CTNNA2: variants seen among roughly 807,000 people sequenced by gnomAD.
CTNNA2 encodes the protein catenin alpha-2.
A neutral mutation model predicts 101.0 loss-of-function variants in CTNNA2; 42 were observed. That is an observed-to-expected ratio of 0.42 (90% confidence interval 0.32 to 0.54). The LOEUF is 0.54. Ranked by LOEUF, CTNNA2 falls within the 20% of genes least tolerant of loss-of-function variation. The pLI is 0.14. For missense variants in CTNNA2, 871 were observed against 1,223.1 expected, an observed-to-expected ratio of 0.71 and a Z score of 4.29; for synonymous variants, 450 against 456.4, an observed-to-expected ratio of 0.99 and a Z score of 0.18.
intron 9 of CTNNA2, among the ~76,000 whole-genome samples, chr2:80,458,322 G>C (rs1282145698): frequency 2.6e-5 from 4 of 152,146 alleles, no homozygotes; most frequent in Non-Finnish European, 4.4e-5. Context: ...GTATTAATCA[G>C]ATGTGGACTA....
chr2:79,606,019 TA>T (rs1408599247), intron 1 of CTNNA2, among the ~76,000 whole-genome samples: 1 of 152,146 alleles, frequency 6.6e-6, no homozygotes, highest in East Asian at 1.9e-4. Flanking sequence ...TAAACTTTTA[TA>T]CTCAGCAAAA....
chr2:79,391,701 A>G (rs1225508948), intron 4 of CTNNA2, among the ~76,000 whole-genome samples: 2 of 152,196 alleles, frequency 1.3e-5, no homozygotes, highest in Non-Finnish European at 2.9e-5. Flanking sequence ...AACTTGCCCA[A>G]CATTGTACAG....
intron 12 of CTNNA2, among the ~76,000 whole-genome samples, chr2:80,568,680 G>A (rs1271098957): frequency 6.6e-6 from 1 of 151,772 alleles, no homozygotes; most frequent in Non-Finnish European, 1.5e-5. Flanking sequence ...CTTCACAATG[G>A]CAATTAGTTC....
At chr2:79,569,225 C>T (rs1391299139) in intron 1 of CTNNA2, among the ~76,000 whole-genome samples, 1 of 152,114 alleles carries the variant, frequency 6.6e-6, no homozygotes, top group Non-Finnish European at 1.5e-5. Context: ...CAGGTGAATG[C>T]ACAGTGAATG....
chr2:79,992,189 GC>G (rs1169189937), intron 7 of CTNNA2, among the ~76,000 whole-genome samples: 1 of 151,946 alleles, frequency 6.6e-6, no homozygotes, highest in Non-Finnish European at 1.5e-5. Context: ...GCCATTTTGT[GC>G]CTCAAATTAG....
chr2:80,498,191 C>G (rs1687616231), intron 9 of CTNNA2, among the ~76,000 whole-genome samples: 1 of 152,176 alleles, frequency 6.6e-6, no homozygotes, highest in African/African-American at 2.4e-5. Flanking sequence ...TCAAGTAACT[C>G]ACAAAAGACT....
intron 7 of CTNNA2, among the ~76,000 whole-genome samples, chr2:80,321,088 T>C (rs1220499999): frequency 6.6e-6 from 1 of 152,232 alleles, no homozygotes; most frequent in Admixed American, 6.5e-5. Flanking sequence ...TATTTGGATA[T>C]AACTTTTTTG....
At chr2:79,215,330 G>A (rs1484973182) in intron 2 of CTNNA2, among the ~76,000 whole-genome samples, 2 of 152,184 alleles carry the variant, frequency 1.3e-5, no homozygotes, top group Non-Finnish European at 2.9e-5. Context: ...CTGCGGTTCA[G>A]GCGTTTGGAA....
chr2:80,450,286 C>A (rs1210750130), intron 9 of CTNNA2, among the ~76,000 whole-genome samples: 2 of 152,032 alleles, frequency 1.3e-5, no homozygotes, highest in Non-Finnish European at 2.9e-5. Flanking sequence ...ATGCAAATTT[C>A]CTTGTTGTAA....
intron 7 of CTNNA2, among the ~76,000 whole-genome samples, chr2:80,190,893 C>T: frequency 6.6e-6 from 1 of 152,164 alleles, no homozygotes; most frequent in East Asian, 1.9e-4. Flanking sequence ...TCAGTCGTTG[C>T]TGTTGATTAT....
chr2:79,380,870 C>A (rs1678030511), intron 4 of CTNNA2, among the ~76,000 whole-genome samples: 1 of 152,122 alleles, frequency 6.6e-6, no homozygotes, highest in African/African-American at 2.4e-5. Context: ...GTCCAGTATG[C>A]CTGAACTGTA....
At chr2:80,499,690 G>A (rs1687728197) in intron 9 of CTNNA2, among the ~76,000 whole-genome samples, 1 of 152,038 alleles carries the variant, frequency 6.6e-6, no homozygotes, top group Non-Finnish European at 1.5e-5. Flanking sequence ...GCGTGGTGGT[G>A]AGTACATGTA....
intron 1 of CTNNA2, among the ~76,000 whole-genome samples, chr2:79,587,268 C>T (rs1416198410): frequency 6.6e-6 from 1 of 151,840 alleles, no homozygotes. Context: ...GTGATTGTAC[C>T]ATATTTGAAT....
intron 7 of CTNNA2, among the ~76,000 whole-genome samples, chr2:80,043,101 CTCTCTCTCTCTT>C (rs1256386644): frequency 9.7e-5 from 3 of 30,794 alleles, no homozygotes; most frequent in African/African-American, 3.9e-4. Context: ...CTTTCTCTCT[CTCTCTCTCTCTT>C]TCTTTCTCCT....
At chr2:80,152,883 A>C (rs758762331) in intron 7 of CTNNA2, among the ~76,000 whole-genome samples, 3 of 152,200 alleles carry the variant, frequency 2.0e-5, no homozygotes, top group Non-Finnish European at 2.9e-5. Context: ...GGGTAACAAT[A>C]AACCCAAAAT....
At chr2:80,506,317 C>T (rs973006257) in intron 9 of CTNNA2, among the ~76,000 whole-genome samples, 10 of 152,008 alleles carry the variant, frequency 6.6e-5, no homozygotes, top group Admixed American at 2.6e-4. Flanking sequence ...GGAAGGTGGT[C>T]GTGGGGAAAT....
chr2:79,672,221 G>A (rs779851770), intron 2 of CTNNA2, among the ~76,000 whole-genome samples: 13 of 152,116 alleles, frequency 8.5e-5, no homozygotes, highest in Admixed American at 2.6e-4. Flanking sequence ...CTTGAAGTTC[G>A]TAGTTATTTT....
intron 2 of CTNNA2, among the ~76,000 whole-genome samples, chr2:79,240,163 C>T (rs1399868643): frequency 6.6e-6 from 1 of 151,812 alleles, no homozygotes; most frequent in African/African-American, 2.4e-5. Context: ...CCACCTCAGC[C>T]TCCTAAAGTG....
chr2:80,397,239 A>G (rs1043747645), intron 8 of CTNNA2, among the ~76,000 whole-genome samples: 14 of 152,196 alleles, frequency 9.2e-5, no homozygotes, highest in African/African-American at 3.4e-4. Context: ...AATGTAAACT[A>G]ATTTATAACC....
Sources: allele counts gnomAD v4.1 joint callset (sites outside exome capture counted in the v4.1 genomes callset), GRCh38; gene constraint gnomAD v4.1.1; transcripts MANE v1.5; gene names NCBI Gene and HGNC (gene_info 2026-07-23, HGNC 2026-07-21).